The following KDM4B variants were observed in gnomAD, a reference collection of about 807,000 sequenced individuals.
KDM4B encodes the protein lysine-specific demethylase 4B.
Under a neutral mutation model 125.2 loss-of-function variants are expected in KDM4B, and 32 were observed. The observed-to-expected ratio is 0.26, with a 90% CI of 0.19 to 0.34. The LOEUF is 0.34. KDM4B is among the 10% of genes least tolerant of loss of function. The probability of loss-of-function intolerance (pLI) is 1.00; values close to 1 mark genes in which losing one functional copy is unlikely to be tolerated. For synonymous variants in KDM4B, 721 were observed against 677.9 expected (o/e 1.06, Z -0.99); for missense variants, 1,190 against 1,577.7 (o/e 0.75, Z 4.16).
At chr19:5,103,883 G>C (rs1045647850) in intron 9 of KDM4B, among the ~76,000 whole-genome samples, 1 of 152,186 alleles carries the variant, frequency 6.6e-6, no homozygotes, top group Non-Finnish European at 1.5e-5. Flanking sequence ...CCTTAAGGAG[G>C]TGAAGATGGG....
chr19:5,003,948 C>T (rs1053769137), intron 1 of KDM4B, among the ~76,000 whole-genome samples: 7 of 152,196 alleles, frequency 4.6e-5, no homozygotes, highest in Admixed American at 1.3e-4. Context: ...TGGCCGCGGT[C>T]GGATGCTCAG....
At chr19:4,999,013 T>G (rs2145418505) in intron 1 of KDM4B, among the ~76,000 whole-genome samples, 1 of 152,322 alleles carries the variant, frequency 6.6e-6, no homozygotes, top group South Asian at 2.1e-4. Context: ...ACCCTAACAT[T>G]ACTATTGTAC....
intron 20 of KDM4B, 71 bp from the exon 21 acceptor site, chr19:5,144,712 G>C: frequency 6.3e-7 from 1 of 1,590,090 alleles, no homozygotes; most frequent in South Asian, 1.1e-5. Context: ...GCGCGGAGAG[G>C]GTCTAAAACC....
intron 1 of KDM4B, among the ~76,000 whole-genome samples, chr19:4,978,607 C>G (rs554743758): frequency 3.6e-4 from 54 of 151,810 alleles, no homozygotes; most frequent in Middle Eastern, 3.4e-3. Flanking sequence ...TTTTTTTGGC[C>G]CCTCTAGCCA....
chr19:5,015,667 T>C (rs2035870036), intron 1 of KDM4B, among the ~76,000 whole-genome samples: 1 of 152,104 alleles, frequency 6.6e-6, no homozygotes, highest in Non-Finnish European at 1.5e-5. Context: ...CTGGACGCTA[T>C]AGTGAGACCC....
chr19:4,990,696 G>C (rs2035004190), intron 1 of KDM4B, among the ~76,000 whole-genome samples: 1 of 152,164 alleles, frequency 6.6e-6, no homozygotes, highest in Admixed American at 6.5e-5. Context: ...CCTTTGTTTT[G>C]GGGAGAATAT....
intron 20 of KDM4B, 81 bp downstream of exon 20, chr19:5,144,493 C>A: frequency 2.3e-6 from 1 of 434,472 alleles, no homozygotes. Context: ...TCACGGTGAG[C>A]TGTGGGGGTG....
chr19:5,113,529 C>A (rs1467835842), intron 10 of KDM4B, among the ~76,000 whole-genome samples: 1 of 152,070 alleles, frequency 6.6e-6, no homozygotes, highest in East Asian at 1.9e-4. Context: ...TATCTTGGGG[C>A]CAGGGCAGCC....
At chr19:5,057,438 C>T (rs1057491819) in intron 6 of KDM4B, among the ~76,000 whole-genome samples, 36 of 152,294 alleles carry the variant, frequency 2.4e-4, no homozygotes, top group African/African-American at 6.3e-4. Context: ...TCCATTCTGC[C>T]GTGGACGGAC....
chr19:5,007,539 TCTC>T (rs1174124328), intron 1 of KDM4B, among the ~76,000 whole-genome samples: 3 of 126,934 alleles, frequency 2.4e-5, no homozygotes, highest in Non-Finnish European at 4.8e-5. Context: ...ACTTTCTCTC[TCTC>T]TTTTTTTTTT....
At chr19:5,085,813 G>A (rs977758554) in intron 9 of KDM4B, among the ~76,000 whole-genome samples, 4 of 152,214 alleles carry the variant, frequency 2.6e-5, no homozygotes, top group Non-Finnish European at 5.9e-5. Context: ...CAGGCTTCTT[G>A]GCGGGGCAGC....
rs1170914547 is a variant in KDM4B, at chr19:5,152,579, G to GCAGGGACGAGGC, written c.*1070_*1081dup. 6.6e-6 allele frequency: 1 copy of GCAGGGACGAGGC among 152,302 alleles called. No individual in the cohort carries two copies. The highest frequency in any genetic ancestry group is 1.5e-5 in the Non-Finnish European group (1 of 68,100). 9.4% of individuals were successfully genotyped at this position (152,302 alleles called of 1,614,324 possible). The stretch of plus-strand genomic sequence containing the variant: ...CGGGGCCCCTTTCGCCTGCTTCCGG[G>GCAGGGACGAGGC]CAGGGACGAGGCCTGGTGTCCTCGC... On this transcript the variant is annotated 3_prime_UTR_variant, in exon 23 of 23. Coordinates refer to ENST00000159111, the MANE Select transcript of KDM4B (RefSeq NM_015015.3).
chr19:4,989,564 C>T (rs1316347549), intron 1 of KDM4B, among the ~76,000 whole-genome samples: 1 of 152,128 alleles, frequency 6.6e-6, no homozygotes, highest in African/African-American at 2.4e-5. Flanking sequence ...TAGTCTTGAA[C>T]TCCTGACCTC....
In KDM4B at chr19:5,131,017, G is replaced by A. The variant is rs1286612741; in HGVS notation, c.1316-59G>A. On this transcript the variant is annotated intron_variant, in intron 11 of 22. Transcript: ENST00000159111. The stretch of plus-strand genomic sequence containing the variant: ...CAAAGTTGGGGGATTTCTGGGGAGC[G>A]TGGGACCAGCACTTGAGCCCGGGTT... 30 of 1,277,036 alleles carry A rather than the reference G, an allele frequency of 2.3e-5. No homozygotes were observed. In the East Asian group the frequency reaches 5.2e-4, roughly 22 times the overall value. The allele number at this position is 1,277,036 out of a possible 1,614,324, so 79.1% of individuals were successfully genotyped here. A position where few individuals can be genotyped will look rare whatever the true frequency, so the allele number is the denominator to read the frequency against.
chr19:5,071,679 T>C (rs560645914), intron 7 of KDM4B, among the ~76,000 whole-genome samples: 16 of 152,308 alleles, frequency 1.1e-4, no homozygotes, highest in South Asian at 8.3e-4. Flanking sequence ...GGTTGTGGGA[T>C]ACTTGGAAAC....
chr19:5,041,928 G>A (rs1037390938), intron 5 of KDM4B, among the ~76,000 whole-genome samples: 3 of 152,228 alleles, frequency 2.0e-5, no homozygotes, highest in Non-Finnish European at 2.9e-5. Context: ...GCTGTGGCCC[G>A]CAGGGGACTG....
At chr19:5,004,225 G>T (rs1051960120) in intron 1 of KDM4B, among the ~76,000 whole-genome samples, 2 of 152,248 alleles carry the variant, frequency 1.3e-5, no homozygotes, top group Admixed American at 1.3e-4. Flanking sequence ...AAGGAGACTC[G>T]TGGGAACCCC....
rs146629748 is a variant in KDM4B, at chr19:4,978,618, C to T, written c.-109+9388C>T. Among the ~76,000 whole-genome samples, 418 of 151,476 alleles carry T rather than the reference C, an allele frequency of 2.8e-3. 1 individual carries two copies. The highest frequency in any genetic ancestry group is 5.7e-3 in the African/African-American group (236 of 41,350). On this transcript the variant is annotated intron_variant, in intron 1 of 22. Transcript: ENST00000159111. ...AGAATTTTTTTGGCCCCTCTAGCCA[C>T]GGGTGTCCTGCGTACCCCAAAGGCA...
intron 9 of KDM4B, among the ~76,000 whole-genome samples, chr19:5,107,667 C>T (rs547236004): frequency 9.2e-5 from 14 of 152,306 alleles, no homozygotes; most frequent in South Asian, 2.1e-4. Flanking sequence ...CCCACAGGCA[C>T]GCAGCCGATC....
Sources: allele counts gnomAD v4.1 joint callset (sites outside exome capture counted in the v4.1 genomes callset), GRCh38; gene constraint gnomAD v4.1.1; transcripts MANE v1.5; gene names NCBI Gene and HGNC (gene_info 2026-07-23, HGNC 2026-07-21).